Variants in C1orf21 observed in about 807,000 individuals in gnomAD.
C1orf21 encodes chromosome 1 open reading frame 21, also known as uncharacterized protein C1orf21.
C1orf21 carries 3 observed loss-of-function variants against 18.7 expected under a neutral mutation model. The observed-to-expected ratio is 0.16, with a 90% CI of 0.07 to 0.42. C1orf21 has a LOEUF of 0.42. C1orf21 is among the 10% of genes least tolerant of loss of function. C1orf21 has a pLI of 0.99. For synonymous variants in C1orf21, 41 were observed against 46.4 expected, an observed-to-expected ratio of 0.88 and a Z score of 0.47; for missense variants, 104 against 143.6, an observed-to-expected ratio of 0.72 and a Z score of 1.41.
Position 184,628,823 on chromosome 1 carries a change from C to G in C1orf21, c.*9267C>G, listed in dbSNP as rs1187794169. 6.6e-6 allele frequency: 1 copy of G among 152,516 alleles called. No homozygotes were observed. The highest frequency in any genetic ancestry group is 2.4e-5 in the African/African-American group (1 of 41,402). 9.4% of individuals were successfully genotyped at this position (152,516 alleles called of 1,614,324 possible). A position where few individuals can be genotyped will look rare whatever the true frequency, so the allele number is the denominator to read the frequency against. On this transcript the variant is annotated 3_prime_UTR_variant, in exon 6 of 6. Coordinates refer to ENST00000235307, the MANE Select transcript of C1orf21 (RefSeq NM_030806.4). ...CGAAGTGCTCCAGCAGTACTACCCC[C>G]CACGTAGCAGTGGGCCCATGTCGCT...
At chr1:184,564,437 A>G (rs1425351153) in intron 3 of C1orf21, among the ~76,000 whole-genome samples, 2 of 152,034 alleles carry the variant, frequency 1.3e-5, no homozygotes, top group African/African-American at 2.4e-5. Flanking sequence ...CCTCCCAAGT[A>G]GTTGGGACTA....
At chr1:184,519,499 T>A (rs897688097) in intron 3 of C1orf21, among the ~76,000 whole-genome samples, 11 of 152,142 alleles carry the variant, frequency 7.2e-5, no homozygotes, top group Non-Finnish European at 1.6e-4. Flanking sequence ...AACATGAGCA[T>A]TTTTTATATG....
intron 1 of C1orf21, among the ~76,000 whole-genome samples, chr1:184,460,117 A>G (rs1657278676): frequency 6.6e-6 from 1 of 152,210 alleles, no homozygotes; most frequent in Admixed American, 6.5e-5. Context: ...TTGGTGGCAA[A>G]TTGGAAATCA....
At chr1:184,479,643 A>G in intron 2 of C1orf21, among the ~76,000 whole-genome samples, 2 of 90,816 alleles carry the variant, frequency 2.2e-5, no homozygotes, top group African/African-American at 4.4e-5. Context: ...TTTTTTTGAG[A>G]CAGTCTTGCT....
At chr1:184,389,349 TA>T (rs2102055107) in intron 1 of C1orf21, among the ~76,000 whole-genome samples, 1 of 152,282 alleles carries the variant, frequency 6.6e-6, no homozygotes, top group East Asian at 1.9e-4. Context: ...CCTCCAGTGT[TA>T]AAAGTTCATC....
At chr1:184,576,893 C>T (rs1294471671) in intron 3 of C1orf21, among the ~76,000 whole-genome samples, 1 of 152,198 alleles carries the variant, frequency 6.6e-6, no homozygotes, top group African/African-American at 2.4e-5. Context: ...CAGAGGTGCA[C>T]GGCTCAGCTT....
rs1402011079 is a variant in C1orf21, at chr1:184,626,131, A to C, written c.*6575A>C. ...CATTTATTTCTGGAGCCCCTGGTAC[A>C]CTCCAGGCACTGCGCTAATTGCCAG... On this transcript the variant is annotated 3_prime_UTR_variant, in exon 6 of 6. Transcript: ENST00000235307. 6.6e-6 allele frequency: 1 copy of C among 151,952 alleles called. No homozygotes were observed. Among genetic ancestry groups the C allele is most frequent in the Non-Finnish European group, 1.5e-5 (1 of 67,986 alleles). The allele number at this position is 151,952 out of a possible 1,614,324, so 9.4% of individuals were successfully genotyped here. A position where few individuals can be genotyped will look rare whatever the true frequency, so the allele number is the denominator to read the frequency against.
intron 3 of C1orf21, among the ~76,000 whole-genome samples, chr1:184,554,326 C>G (rs779474743): frequency 1.3e-5 from 2 of 152,162 alleles, no homozygotes; most frequent in Non-Finnish European, 2.9e-5. Context: ...ACCAGTAGGT[C>G]TCAGGCATTC....
chr1:184,502,436 A>T (rs1339784258), intron 2 of C1orf21, among the ~76,000 whole-genome samples: 1 of 152,084 alleles, frequency 6.6e-6, no homozygotes. Context: ...TTTGGAGGGA[A>T]CGTCAACATT....
intron 3 of C1orf21, among the ~76,000 whole-genome samples, chr1:184,540,317 T>C (rs1410044569): frequency 6.6e-6 from 1 of 152,208 alleles, no homozygotes; most frequent in Non-Finnish European, 1.5e-5. Context: ...ACAAATTGCA[T>C]CTTAACATAA....
chr1:184,578,622 A>G (rs919917519), intron 3 of C1orf21, among the ~76,000 whole-genome samples: 1 of 152,222 alleles, frequency 6.6e-6, no homozygotes, highest in Non-Finnish European at 1.5e-5. Flanking sequence ...TCATCAATAC[A>G]GTTTTTTCTA....
intron 5 of C1orf21, among the ~76,000 whole-genome samples, chr1:184,602,735 TA>T (rs1229718847): frequency 6.6e-6 from 1 of 152,228 alleles, no homozygotes; most frequent in African/African-American, 2.4e-5. Flanking sequence ...CTTTCCACTA[TA>T]CATTCCAGTT....
chr1:184,575,603 C>G (rs1458935163), intron 3 of C1orf21, among the ~76,000 whole-genome samples: 1 of 41,292 alleles, frequency 2.4e-5, no homozygotes, highest in Non-Finnish European at 5.0e-5. Context: ...TGTGAAAACA[C>G]AAAAAGGTAA....
At chr1:184,445,342 A>ACC (rs1491446224) in intron 1 of C1orf21, among the ~76,000 whole-genome samples, 1 of 100,276 alleles carries the variant, frequency 1.0e-5, no homozygotes, top group African/African-American at 5.1e-5. Context: ...CTTTTTTCAG[A>ACC]CCTCTCTCTC....
chr1:184,432,504 C>T (rs565778200), intron 1 of C1orf21, among the ~76,000 whole-genome samples: 29 of 152,102 alleles, frequency 1.9e-4, no homozygotes, highest in African/African-American at 5.1e-4. Flanking sequence ...GAATATCACA[C>T]GCTGGGGCCT....
chr1:184,544,957 AC>A (rs1317893099), intron 3 of C1orf21, among the ~76,000 whole-genome samples: 3 of 152,186 alleles, frequency 2.0e-5, no homozygotes, highest in African/African-American at 7.2e-5. Context: ...AAGCATATAA[AC>A]CAAGAGAGAC....
intron 1 of C1orf21, among the ~76,000 whole-genome samples, chr1:184,476,809 C>T (rs1357005347): frequency 6.6e-6 from 1 of 152,146 alleles, no homozygotes; most frequent in Non-Finnish European, 1.5e-5. Context: ...GTCTCCAAAA[C>T]AGTGTCACCT....
chr1:184,512,353 A>G (rs1436336651), intron 3 of C1orf21, among the ~76,000 whole-genome samples: 1 of 152,216 alleles, frequency 6.6e-6, no homozygotes, highest in East Asian at 1.9e-4. Flanking sequence ...TTAAGTGTCT[A>G]GCACCTAAGA....
intron 3 of C1orf21, among the ~76,000 whole-genome samples, chr1:184,589,703 A>G (rs1489386875): frequency 6.6e-6 from 1 of 152,272 alleles, no homozygotes; most frequent in African/African-American, 2.4e-5. Context: ...TACTGATGAT[A>G]GGCACATAAG....
Sources: allele counts gnomAD v4.1 joint callset (sites outside exome capture counted in the v4.1 genomes callset), GRCh38; gene constraint gnomAD v4.1.1; transcripts MANE v1.5; gene names NCBI Gene and HGNC (gene_info 2026-07-23, HGNC 2026-07-21).